The following CNTN4 variants were observed in gnomAD, a reference collection of about 807,000 sequenced individuals.
The protein encoded by CNTN4 is contactin 4.
A neutral mutation model predicts 122.5 loss-of-function variants in CNTN4; 77 were observed. That is an observed-to-expected ratio of 0.63 (90% CI 0.52 to 0.76). The LOEUF is 0.76. Ranked by LOEUF, CNTN4 falls within the 30% of genes least tolerant of loss-of-function variation. The pLI is 0.00. For synonymous variants in CNTN4, 512 were observed against 447.0 expected (o/e 1.15, Z -1.83); for missense variants, 1,256 against 1,259.1 (o/e 1.00, Z 0.04).
chr3:2,419,357 C>G lies in CNTN4; in HGVS notation c.-89+80124C>G, dbSNP rs150098234. ...ATAGAGTTAATAAAGAACTTGGAAT[C>G]TTCTATCAAGAAATAAAGAGGTGGG... On this transcript the variant is annotated intron_variant, in intron 3 of 24. Transcript: ENST00000418658. Among the ~76,000 whole-genome samples, 569 of 152,232 alleles carry G rather than the reference C, an allele frequency of 3.7e-3. 5 individuals are homozygous for G. The highest frequency in any genetic ancestry group is 0.013 in the African/African-American group (536 of 41,558).
intron 2 of CNTN4, among the ~76,000 whole-genome samples, chr3:2,311,177 C>G (rs972911091): frequency 5.3e-5 from 8 of 152,058 alleles, no homozygotes; most frequent in African/African-American, 1.9e-4. Flanking sequence ...TGTTTCCCCA[C>G]TCCTGATTCA....
At chr3:2,384,131 T>C (rs562209198) in intron 3 of CNTN4, among the ~76,000 whole-genome samples, 1 of 152,264 alleles carries the variant, frequency 6.6e-6, no homozygotes, top group Admixed American at 6.5e-5. Context: ...AGCTAATGAA[T>C]TGAGCTTACA....
intron 2 of CNTN4, among the ~76,000 whole-genome samples, chr3:2,255,990 A>T (rs967146373): frequency 6.6e-6 from 1 of 152,180 alleles, no homozygotes; most frequent in Admixed American, 6.6e-5. Context: ...AAAAAAATCA[A>T]TGAATCCAGG....
chr3:2,493,352 C>T (rs541059111), intron 3 of CNTN4, among the ~76,000 whole-genome samples: 226 of 151,964 alleles, frequency 1.5e-3, no homozygotes, highest in Middle Eastern at 6.8e-3. Flanking sequence ...GCCATTCCTC[C>T]GGACATAAGG....
chr3:2,313,524 AG>A, intron 2 of CNTN4, among the ~76,000 whole-genome samples: 2 of 152,114 alleles, frequency 1.3e-5, no homozygotes, highest in Non-Finnish European at 2.9e-5. Context: ...AAAACTGAAA[AG>A]TGTCCTTTAC....
intron 2 of CNTN4, among the ~76,000 whole-genome samples, chr3:2,221,878 A>G (rs1351793113): frequency 6.6e-6 from 1 of 152,166 alleles, no homozygotes; most frequent in Non-Finnish European, 1.5e-5. Flanking sequence ...GTTAAAATAA[A>G]AAAGACAGTA....
At chr3:2,983,257 C>CAAAAAAAAA (rs1694226199) in intron 13 of CNTN4, among the ~76,000 whole-genome samples, 1 of 75,684 alleles carries the variant, frequency 1.3e-5, no homozygotes. Context: ...AAAAAAAAAG[C>CAAAAAAAAA]ACAAAGCCTA....
chr3:2,560,985 C>G (rs987188933), intron 3 of CNTN4, among the ~76,000 whole-genome samples: 1 of 152,182 alleles, frequency 6.6e-6, no homozygotes, highest in Non-Finnish European at 1.5e-5. Flanking sequence ...CCCTTTTAGG[C>G]TACCAGTTAT....
At chr3:2,351,364 CAA>C (rs1480418667) in intron 3 of CNTN4, among the ~76,000 whole-genome samples, 1 of 152,110 alleles carries the variant, frequency 6.6e-6, no homozygotes, top group African/African-American at 2.4e-5. Flanking sequence ...CACACAAAAC[CAA>C]AGTCTTGATG....
At chr3:2,363,793 A>T (rs1028666785) in intron 3 of CNTN4, among the ~76,000 whole-genome samples, 7 of 152,216 alleles carry the variant, frequency 4.6e-5, no homozygotes, top group Non-Finnish European at 1.0e-4. Flanking sequence ...ATTTAAAGTA[A>T]TCTTCAAGGT....
At chr3:2,735,012 C>A (rs2088976150) in intron 4 of CNTN4, among the ~76,000 whole-genome samples, 1 of 152,110 alleles carries the variant, frequency 6.6e-6, no homozygotes, top group East Asian at 1.9e-4. Flanking sequence ...AAAGCAGATT[C>A]TTATTGATCA....
intron 2 of CNTN4, among the ~76,000 whole-genome samples, chr3:2,108,907 G>A (rs919772244): frequency 6.6e-5 from 10 of 150,638 alleles, no homozygotes; most frequent in African/African-American, 2.5e-4. Flanking sequence ...TCACTTTTAA[G>A]TATCTCTTGC....
At chr3:2,326,244 G>T (rs1431716006) in intron 2 of CNTN4, among the ~76,000 whole-genome samples, 1 of 152,078 alleles carries the variant, frequency 6.6e-6, no homozygotes, top group African/African-American at 2.4e-5. Flanking sequence ...CTTTGAACTG[G>T]GACATTGGCT....
chr3:2,533,116 G>A (rs1210955264), intron 3 of CNTN4, among the ~76,000 whole-genome samples: 2 of 151,496 alleles, frequency 1.3e-5, no homozygotes, highest in African/African-American at 4.8e-5. Flanking sequence ...AAATGTAGAA[G>A]ACAGATTGAT....
At chr3:2,644,355 A>G (rs2083025114) in intron 4 of CNTN4, among the ~76,000 whole-genome samples, 1 of 152,184 alleles carries the variant, frequency 6.6e-6, no homozygotes, top group African/African-American at 2.4e-5. Flanking sequence ...TAAATTGCCC[A>G]TAGGCTTCAT....
intron 16 of CNTN4, among the ~76,000 whole-genome samples, chr3:3,032,954 A>G (rs897657973): frequency 2.6e-5 from 4 of 152,162 alleles, no homozygotes; most frequent in African/African-American, 9.7e-5. Context: ...AAAAGAACAA[A>G]CAAATCCAGG....
At chr3:2,665,814 G>A (rs1183105806) in intron 4 of CNTN4, among the ~76,000 whole-genome samples, 1 of 152,130 alleles carries the variant, frequency 6.6e-6, no homozygotes, top group Non-Finnish European at 1.5e-5. Context: ...AAAATATGGG[G>A]TATCCACATC....
intron 2 of CNTN4, chr3:2,110,540 A>C (rs1056830822): frequency 1.3e-5 from 2 of 152,242 alleles, no homozygotes; most frequent in South Asian, 2.1e-4. Context: ...GGTGACCTCC[A>C]TCTGCTTTCT....
chr3:2,374,954 T>C (rs1397956723), intron 3 of CNTN4, among the ~76,000 whole-genome samples: 3 of 152,166 alleles, frequency 2.0e-5, no homozygotes, highest in African/African-American at 7.2e-5. Context: ...TTTTGTACCA[T>C]AACCTATTAC....
Sources: gnomAD v4.1 joint callset for allele counts (sites outside exome capture counted in the v4.1 genomes callset) on GRCh38, gnomAD v4.1.1 for gene constraint, MANE v1.5 for transcripts, NCBI Gene and HGNC (gene_info 2026-07-23, HGNC 2026-07-21) for gene names.